Variants in GABRR1 observed in about 807,000 individuals in gnomAD.
GABRR1 encodes gamma-aminobutyric acid receptor subunit rho-1.
GABRR1 carries 59 observed loss-of-function variants against 55.5 expected under a neutral mutation model. That is an observed-to-expected ratio of 1.06 (90% CI 0.86 to 1.32). The LOEUF (loss-of-function observed/expected upper bound fraction) is 1.32, where lower values mean the gene tolerates loss of function less well. Among genes scored for constraint, GABRR1 ranks in the 40% most tolerant of loss-of-function variants. The probability of loss-of-function intolerance (pLI) is 0.00; values close to 1 mark genes in which losing one functional copy is unlikely to be tolerated. For synonymous variants in GABRR1, 213 were observed against 226.0 expected, an observed-to-expected ratio of 0.94 and a Z score of 0.51; for missense variants, 602 against 619.1, an observed-to-expected ratio of 0.97 and a Z score of 0.29.
At chr6:89,196,874 A>AGAAAGAAAGAAAG (rs1562296898) in intron 5 of GABRR1, among the ~76,000 whole-genome samples, 1 of 139,386 alleles carries the variant, frequency 7.2e-6, no homozygotes, top group African/African-American at 2.7e-5. Context: ...AAAGAAAGAA[A>AGAAAGAAAGAAAG]GAAAGAGAAG....
chr6:89,197,515 T>C (rs1489034525), intron 5 of GABRR1, among the ~76,000 whole-genome samples: 1 of 152,244 alleles, frequency 6.6e-6, no homozygotes, highest in Non-Finnish European at 1.5e-5. Context: ...GGTGAGAAGA[T>C]TTTATTCATT....
At chr6:89,204,462 G>T in intron 1 of GABRR1, 1 of 302,736 alleles carries the variant, frequency 3.3e-6, no homozygotes, top group Non-Finnish European at 6.2e-6. Context: ...CACAGTGTTG[G>T]ATCCCTGTGG....
intron 6 of GABRR1, 21 bp downstream of exon 6, chr6:89,190,143 GC>G (rs777848575): frequency 5.1e-6 from 8 of 1,564,638 alleles, no homozygotes; most frequent in Middle Eastern, 1.7e-4. Context: ...GTGTGCTGAT[GC>G]CCGGGGACAA....
intron 6 of GABRR1, 58 bp downstream of exon 6, chr6:89,190,107 A>C: frequency 2.6e-6 from 3 of 1,173,940 alleles, no homozygotes; most frequent in South Asian, 1.3e-5. Flanking sequence ...GCTGAGAGTT[A>C]GAGGTGTTGA....
In GABRR1 at chr6:89,177,530, G is replaced by C. The variant is rs1477141307; in HGVS notation, c.*1240C>G. On this transcript the variant is annotated 3_prime_UTR_variant, in exon 10 of 10. Transcript: ENST00000454853. ...TGTGTATATAATTCACTTTATTAAA[G>C]TGAGTTTCAAATAAAACAAATGCTG... 2.0e-5 allele frequency: 3 copies of C among 152,160 alleles called. No individual in the cohort carries two copies. The highest frequency in any genetic ancestry group is 4.4e-5 in the Non-Finnish European group (3 of 68,034). The allele number at this position is 152,160 out of a possible 1,614,324, so 9.4% of individuals were successfully genotyped here. A position where few individuals can be genotyped will look rare whatever the true frequency, so the allele number is the denominator to read the frequency against.
At chr6:89,206,521 A>G (rs1199318547) in intron 1 of GABRR1, among the ~76,000 whole-genome samples, 4 of 151,812 alleles carry the variant, frequency 2.6e-5, no homozygotes, top group Non-Finnish European at 5.9e-5. Context: ...TCTCCTTTAC[A>G]TGCTTCCATC....
In GABRR1 at chr6:89,187,208, G is replaced by GT. The variant is rs1212822097; in HGVS notation, c.656-1759_656-1758insA. Among the ~76,000 whole-genome samples, 1,318 of 146,030 alleles carry GT rather than the reference G, an allele frequency of 9.0e-3. 5 individuals carry two copies. Among genetic ancestry groups the GT allele is most frequent in the African/African-American group, 0.016 (603 of 37,410 alleles). ...TCTTTCTGTGGCCTGGTTTCTGGGG[G>GT]GTGTGTGTGTGTGTGTGTGTGTTGT... On this transcript the variant is annotated intron_variant, in intron 6 of 9. Coordinates refer to ENST00000454853, the MANE Select transcript of GABRR1 (RefSeq NM_002042.5).
At chr6:89,205,303 T>A (rs1772608115) in intron 1 of GABRR1, among the ~76,000 whole-genome samples, 1 of 152,208 alleles carries the variant, frequency 6.6e-6, no homozygotes, top group Non-Finnish European at 1.5e-5. Context: ...GCCAGGAAAT[T>A]GGCTTAGATG....
chr6:89,216,869 C>T (rs114335601), intron 1 of GABRR1, among the ~76,000 whole-genome samples: 1,921 of 152,276 alleles, frequency 0.013, 41 homozygotes, highest in African/African-American at 0.044. Context: ...GTTGTTCTAA[C>T]CCTAGGACAC....
chr6:89,222,500 G>T (rs1429811429), intron 1 of GABRR1, among the ~76,000 whole-genome samples: 1 of 152,196 alleles, frequency 6.6e-6, no homozygotes, highest in Non-Finnish European at 1.5e-5. Context: ...TATAAGTCCT[G>T]TCGGGAAGGC....
chr6:89,178,595 A>C lies in GABRR1; in HGVS notation c.*175T>G. ...ATTCAATAGATGGTTAATAAGTGCA[A>C]ATTAAACCAGTAAGTGTCTCGTCAA... On this transcript the variant is annotated 3_prime_UTR_variant, in exon 10 of 10. Coordinates refer to ENST00000454853, the MANE Select transcript of GABRR1 (RefSeq NM_002042.5). The C allele has an allele frequency of 3.2e-6, 2 of 617,196 alleles. No homozygotes were observed. Among genetic ancestry groups the C allele is most frequent in the Non-Finnish European group, 5.7e-6 (2 of 353,530 alleles). 38.2% of individuals were successfully genotyped at this position (617,196 alleles called of 1,614,324 possible).
intron 2 of GABRR1, among the ~76,000 whole-genome samples, 182 bp from the exon 3 acceptor site, chr6:89,201,447 A>G (rs1772468551): frequency 6.6e-6 from 1 of 152,214 alleles, no homozygotes; most frequent in African/African-American, 2.4e-5. Context: ...CAGAAGGTCC[A>G]AGACATTGGC....
At chr6:89,195,533 T>C (rs1772237371) in intron 5 of GABRR1, among the ~76,000 whole-genome samples, 2 of 151,428 alleles carry the variant, frequency 1.3e-5, no homozygotes, top group South Asian at 2.1e-4. Context: ...CAGGAGGAAG[T>C]AGAAGAATAT....
At chr6:89,228,768 A>G (rs1488159645) in intron 1 of GABRR1, among the ~76,000 whole-genome samples, 2 of 151,460 alleles carry the variant, frequency 1.3e-5, no homozygotes, top group African/African-American at 4.9e-5. Flanking sequence ...AGTTCTGTAG[A>G]TGTCTATTAG....
intron 5 of GABRR1, among the ~76,000 whole-genome samples, chr6:89,192,137 G>C (rs1459378829): frequency 6.6e-6 from 1 of 152,174 alleles, no homozygotes; most frequent in African/African-American, 2.4e-5. Flanking sequence ...AGGAGACAGG[G>C]AGGTGGGCGC....
At chr6:89,215,552 T>C (rs1393395909) in intron 1 of GABRR1, among the ~76,000 whole-genome samples, 1 of 151,914 alleles carries the variant, frequency 6.6e-6, no homozygotes, top group Non-Finnish European at 1.5e-5. Context: ...TGAGGAGATG[T>C]TGGCCAAGAA....
At chr6:89,189,884 A>C (rs1173407492) in intron 6 of GABRR1, among the ~76,000 whole-genome samples, 1 of 152,106 alleles carries the variant, frequency 6.6e-6, no homozygotes, top group Non-Finnish European at 1.5e-5. Flanking sequence ...GTCTCTACTA[A>C]AAATACAAAA....
At chr6:89,230,892 G>C (rs7453274) in intron 1 of GABRR1, among the ~76,000 whole-genome samples, 43,007 of 142,428 alleles carry the variant, frequency 0.3, 6,961 homozygotes, top group African/African-American at 0.36. Flanking sequence ...TGATCTCAGA[G>C]TGCTGTGCTA....
At chr6:89,202,587 C>T (rs990474069) in intron 2 of GABRR1, among the ~76,000 whole-genome samples, 1 of 152,160 alleles carries the variant, frequency 6.6e-6, no homozygotes, top group Admixed American at 6.5e-5. Flanking sequence ...GCCACCACAC[C>T]TGGCCAGGTG....
Sources: gnomAD v4.1 joint callset for allele counts (sites outside exome capture counted in the v4.1 genomes callset) on GRCh38, gnomAD v4.1.1 for gene constraint, MANE v1.5 for transcripts, NCBI Gene and HGNC (gene_info 2026-07-23, HGNC 2026-07-21) for gene names.